The following AGBL1 variants were observed in gnomAD, a reference collection of about 807,000 sequenced individuals.
AGBL1 encodes the protein cytosolic carboxypeptidase 4.
AGBL1 carries 130 observed loss-of-function variants against 118.9 expected under a neutral mutation model. The observed-to-expected ratio is 1.09, with a 90% CI of 0.95 to 1.26. The LOEUF (loss-of-function observed/expected upper bound fraction) is 1.26, where lower values mean the gene tolerates loss of function less well. Ranked by LOEUF, AGBL1 falls within the 50% of genes most tolerant of loss-of-function variation. AGBL1 has a pLI of 0.00. For synonymous variants in AGBL1, 555 were observed against 478.9 expected, an observed-to-expected ratio of 1.16 and a Z score of -2.08; for missense variants, 1,584 against 1,298.1, an observed-to-expected ratio of 1.22 and a Z score of -3.38.
chr15:86,292,519 A>C (rs62015563), intron 16 of AGBL1, among the ~76,000 whole-genome samples: 5,037 of 152,304 alleles, frequency 0.033, 105 homozygotes, highest in Middle Eastern at 0.078. Context: ...TAACCTACAA[A>C]ATTTGTGATG....
At chr15:86,364,183 A>C (rs1289645018) in intron 17 of AGBL1, among the ~76,000 whole-genome samples, 1 of 152,172 alleles carries the variant, frequency 6.6e-6, no homozygotes, top group Non-Finnish European at 1.5e-5. Flanking sequence ...AAAAAATTAA[A>C]TACAGTGTGA....
At chr15:86,272,937 G>C (rs935064035) in intron 15 of AGBL1, among the ~76,000 whole-genome samples, 4 of 151,980 alleles carry the variant, frequency 2.6e-5, no homozygotes, top group African/African-American at 9.7e-5. Flanking sequence ...GAGAGATTTA[G>C]ATTAAAAATC....
intron 19 of AGBL1, among the ~76,000 whole-genome samples, chr15:86,523,706 T>TTAC (rs35284772): frequency 0.68 from 103,337 of 151,836 alleles, 37,128 homozygotes; most frequent in African/African-American, 0.93. Flanking sequence ...CAACTAATAC[T>TTAC]TATATTCCAA....
At chr15:86,143,672 C>T in intron 2 of AGBL1, 27 bp from the exon 3 acceptor site, 2 of 1,610,144 alleles carry the variant, frequency 1.2e-6, no homozygotes, top group African/African-American at 1.3e-5. Context: ...TTACTTGTGG[C>T]TCATCTTTCC....
At chr15:86,889,472 G>A (rs112483991) in intron 22 of AGBL1, among the ~76,000 whole-genome samples, 9,378 of 152,128 alleles carry the variant, frequency 0.062, 522 homozygotes, top group East Asian at 0.26. Flanking sequence ...GTGGTTTGCT[G>A]CACAGATCGA....
chr15:86,218,280 C>A (rs1380501005), intron 5 of AGBL1, among the ~76,000 whole-genome samples: 3 of 151,976 alleles, frequency 2.0e-5, no homozygotes, highest in Non-Finnish European at 4.4e-5. Context: ...GTGGAAAGGG[C>A]AGGTGGTGTT....
intron 18 of AGBL1, among the ~76,000 whole-genome samples, chr15:86,420,740 A>G (rs1478684274): frequency 6.6e-6 from 1 of 152,248 alleles, no homozygotes; most frequent in Non-Finnish European, 1.5e-5. Flanking sequence ...ATTGCTAACT[A>G]GAATAACTTT....
chr15:86,763,086 G>C (rs760618220), intron 22 of AGBL1, among the ~76,000 whole-genome samples: 6 of 151,978 alleles, frequency 3.9e-5, no homozygotes, highest in Non-Finnish European at 7.4e-5. Context: ...GTGATGTTTG[G>C]AGTTGCATTA....
At chr15:86,781,442 CA>C (rs1198559217) in intron 22 of AGBL1, among the ~76,000 whole-genome samples, 3 of 145,978 alleles carry the variant, frequency 2.1e-5, no homozygotes, top group African/African-American at 7.5e-5. Context: ...AATTTAGTAG[CA>C]AACATGAGGC....
chr15:86,455,653 A>T (rs2082250410), intron 18 of AGBL1, among the ~76,000 whole-genome samples: 1 of 152,144 alleles, frequency 6.6e-6, no homozygotes. Flanking sequence ...AAAAGCTAAC[A>T]TTTGTGCTTA....
chr15:86,820,951 C>T (rs1158763295), intron 22 of AGBL1, among the ~76,000 whole-genome samples: 1 of 152,084 alleles, frequency 6.6e-6, no homozygotes, highest in African/African-American at 2.4e-5. Flanking sequence ...TAATGATAGA[C>T]TGGATAAAGA....
intron 1 of AGBL1, among the ~76,000 whole-genome samples, chr15:86,094,774 T>C (rs117869979): frequency 0.012 from 1,808 of 152,312 alleles, 13 homozygotes; most frequent in East Asian, 0.024. Context: ...ACTTCTGATA[T>C]CAAATGTGTG....
intron 6 of AGBL1, among the ~76,000 whole-genome samples, chr15:86,226,997 T>C (rs531960928): frequency 1.3e-5 from 2 of 152,342 alleles, no homozygotes; most frequent in Admixed American, 1.3e-4. Context: ...AATAAGTATT[T>C]GTTGACTAAA....
At chr15:86,314,919 C>T (rs149700912) in intron 17 of AGBL1, among the ~76,000 whole-genome samples, 3 of 152,106 alleles carry the variant, frequency 2.0e-5, no homozygotes, top group Admixed American at 6.5e-5. Flanking sequence ...TTGGAAATCT[C>T]GATTTTCTGA....
At chr15:86,260,518 T>C (rs2078966128) in intron 9 of AGBL1, among the ~76,000 whole-genome samples, 1 of 152,238 alleles carries the variant, frequency 6.6e-6, no homozygotes, top group Admixed American at 6.5e-5. Context: ...AGCTCTCCCT[T>C]CCTTCTTCCT....
At chr15:86,745,396 C>T (rs1367145655) in intron 22 of AGBL1, among the ~76,000 whole-genome samples, 1 of 151,998 alleles carries the variant, frequency 6.6e-6, no homozygotes, top group East Asian at 1.9e-4. Flanking sequence ...TGAGGGCCGT[C>T]TGACCCCCAA....
chr15:86,801,278 G>T lies in AGBL1; in HGVS notation c.3159-105809G>T, dbSNP rs144234756. ...GAGAAGCAGAAAAGAGAATATGCAT[G>T]TTTTTTCTTGGCTTATAACTGTTGA... On this transcript the variant is annotated intron_variant, in intron 22 of 22. Coordinates refer to ENST00000614907, the MANE Select transcript of AGBL1 (RefSeq NM_001386094.1). 1.5e-4 allele frequency among the ~76,000 whole-genome samples: 22 copies of T among 151,708 alleles called. No homozygotes were observed. In the East Asian group the frequency reaches 4.3e-3, roughly 30 times the overall value.
intron 20 of AGBL1, among the ~76,000 whole-genome samples, chr15:86,552,607 T>C (rs979637036): frequency 6.6e-6 from 1 of 152,224 alleles, no homozygotes; most frequent in African/African-American, 2.4e-5. Flanking sequence ...GCTCGATGTG[T>C]AGGGATTTTC....
In AGBL1 at chr15:86,615,389, G is replaced by A. The variant is rs2084707248; in HGVS notation, c.2995-58884G>A. 6.6e-6 allele frequency among the ~76,000 whole-genome samples: 1 copy of A among 152,206 alleles called. No individual in the cohort carries two copies. The highest frequency in any genetic ancestry group is 1.5e-5 in the Non-Finnish European group (1 of 68,032). ...CAGGAGTAGGTTTGATGCAGGTGGT[G>A]TCCAGTGGGATCTGGGGTAAGGAGG... On this transcript the variant is annotated intron_variant, in intron 21 of 22. Coordinates refer to ENST00000614907, the MANE Select transcript of AGBL1 (RefSeq NM_001386094.1). The surrounding 1 kb of genome is among the most constrained non-coding windows in gnomAD (Gnocchi z 4.3).
Sources: allele counts gnomAD v4.1 joint callset (sites outside exome capture counted in the v4.1 genomes callset), GRCh38; gene constraint gnomAD v4.1.1; non-coding constraint Gnocchi (gnomAD v3.1); transcripts MANE v1.5; gene names NCBI Gene and HGNC (gene_info 2026-07-23, HGNC 2026-07-21).